FRMPD4: variants seen among roughly 807,000 people sequenced by gnomAD.
FRMPD4 encodes the protein FERM and PDZ domain-containing protein 4.
A neutral mutation model predicts 94.1 loss-of-function variants in FRMPD4; 22 were observed. The ratio of observed to expected loss-of-function variants is 0.23; its 90% CI spans 0.17 to 0.33. FRMPD4 has a LOEUF of 0.33. Among genes scored for constraint, FRMPD4 ranks in the 10% least tolerant of loss-of-function variants. The pLI is 1.00. For missense variants in FRMPD4, 1,111 were observed against 1,339.9 expected, an observed-to-expected ratio of 0.83 and a Z score of 2.67; for synonymous variants, 631 against 548.6, an observed-to-expected ratio of 1.15 and a Z score of -2.10.
chrX:12,092,364 C>T (rs1171287427), intron 3 of FRMPD4, among the ~76,000 whole-genome samples: 1 of 112,038 alleles, frequency 8.9e-6, no homozygotes, highest in Non-Finnish European at 1.9e-5. Flanking sequence ...TTGATGTTTT[C>T]CTCGTTTTCC....
intron 3 of FRMPD4, among the ~76,000 whole-genome samples, chrX:12,049,676 G>A (rs1453005091): frequency 9.0e-6 from 1 of 111,190 alleles, no homozygotes. Flanking sequence ...ATGGTAAAAA[G>A]AGCCTTAGGC....
intron 3 of FRMPD4, among the ~76,000 whole-genome samples, chrX:11,944,912 C>T (rs2147359821): frequency 8.9e-6 from 1 of 112,423 alleles, no homozygotes; most frequent in South Asian, 3.7e-4. Flanking sequence ...GAAAATAAAT[C>T]CTCTGTGTTT....
chrX:12,297,496 G>C (rs745934724), intron 1 of FRMPD4, among the ~76,000 whole-genome samples: 1 of 111,576 alleles, frequency 9.0e-6, no homozygotes, highest in Non-Finnish European at 1.9e-5. Context: ...GGGAAAGAAC[G>C]GAATTGTGGG....
At chrX:12,448,690 G>A (rs763855770) in intron 1 of FRMPD4, among the ~76,000 whole-genome samples, 8 of 112,423 alleles carry the variant, frequency 7.1e-5, no homozygotes, top group African/African-American at 2.3e-4. Context: ...ATCATAGGTC[G>A]CTTGTACTGA....
intron 3 of FRMPD4, among the ~76,000 whole-genome samples, chrX:12,094,636 G>A (rs1000670733): frequency 1.3e-4 from 15 of 112,087 alleles, no homozygotes; most frequent in African/African-American, 3.6e-4. Context: ...GACTGCCTGC[G>A]TTTGAACTTT....
chrX:12,278,897 A>G (rs5979561), intron 1 of FRMPD4, among the ~76,000 whole-genome samples: 2,712 of 112,183 alleles, frequency 0.024, 82 homozygotes, highest in African/African-American at 0.081. Context: ...CAGGTTGCCT[A>G]CAGCAGTCAC....
chrX:12,030,807 T>C (rs1330755858), intron 3 of FRMPD4, among the ~76,000 whole-genome samples: 1 of 112,061 alleles, frequency 8.9e-6, no homozygotes, highest in Non-Finnish European at 1.9e-5. Flanking sequence ...ATAAAGGCTA[T>C]GTTTTTGTGG....
chrX:12,394,668 T>A (rs1244923668), intron 1 of FRMPD4, among the ~76,000 whole-genome samples: 2 of 111,273 alleles, frequency 1.8e-5, no homozygotes, highest in African/African-American at 3.3e-5. Flanking sequence ...TCCCTTCTCT[T>A]TTTTTCTTCC....
chrX:11,982,562 G>A (rs1332033477), intron 3 of FRMPD4, among the ~76,000 whole-genome samples: 1 of 110,814 alleles, frequency 9.0e-6, no homozygotes, highest in Non-Finnish European at 1.9e-5. Flanking sequence ...AAACCATCTT[G>A]CATTATCTAC....
intron 2 of FRMPD4, among the ~76,000 whole-genome samples, chrX:12,526,321 C>T (rs752963564): frequency 8.0e-5 from 9 of 112,554 alleles, no homozygotes; most frequent in Non-Finnish European, 1.7e-4. Context: ...TTTTAAGCAC[C>T]TTCGGTACTG....
At chrX:12,434,028 A>G (rs1328402111) in intron 1 of FRMPD4, among the ~76,000 whole-genome samples, 4 of 111,490 alleles carry the variant, frequency 3.6e-5, no homozygotes, top group Non-Finnish European at 7.5e-5. Flanking sequence ...AAGCGTGGAG[A>G]AGAGAGAGCC....
At chrX:12,692,119 T>C (rs764363297) in intron 8 of FRMPD4, among the ~76,000 whole-genome samples, 2 of 112,528 alleles carry the variant, frequency 1.8e-5, no homozygotes, top group Non-Finnish European at 3.8e-5. Context: ...TTCATGCTGA[T>C]TTAGTTGGAC....
intron 1 of FRMPD4, among the ~76,000 whole-genome samples, chrX:12,370,847 A>T (rs892295901): frequency 1.8e-5 from 2 of 112,088 alleles, no homozygotes; most frequent in African/African-American, 6.5e-5. Flanking sequence ...GGACTTTATC[A>T]TTAAGAATAT....
At chrX:12,469,667 G>A (rs1319334717) in intron 1 of FRMPD4, among the ~76,000 whole-genome samples, 3 of 112,254 alleles carry the variant, frequency 2.7e-5, no homozygotes, top group African/African-American at 6.5e-5. Flanking sequence ...TTACCTTCTT[G>A]AAGTTAAGCA....
chrX:11,827,319 C>G (rs1198387248), intron 1 of FRMPD4, among the ~76,000 whole-genome samples: 2 of 108,713 alleles, frequency 1.8e-5, no homozygotes, highest in Non-Finnish European at 3.8e-5. Flanking sequence ...CTTCATGCAT[C>G]TGTGCACTGT....
intron 3 of FRMPD4, among the ~76,000 whole-genome samples, chrX:12,008,638 G>A (rs1346228312): frequency 1.8e-5 from 2 of 111,686 alleles, no homozygotes; most frequent in Non-Finnish European, 3.8e-5. Flanking sequence ...AAGATGTTGG[G>A]GTGTAGCCCA....
At chrX:12,526,169 G>A (rs1056575010) in intron 2 of FRMPD4, among the ~76,000 whole-genome samples, 1 of 112,336 alleles carries the variant, frequency 8.9e-6, no homozygotes, top group Non-Finnish European at 1.9e-5. Flanking sequence ...TCCCACAAGC[G>A]TATAGCCATC....
intron 1 of FRMPD4, among the ~76,000 whole-genome samples, chrX:12,296,868 A>G (rs751412332): frequency 3.8e-4 from 43 of 112,325 alleles, no homozygotes; most frequent in African/African-American, 1.4e-3. Context: ...GGCACACCCC[A>G]GTCCTCTGGG....
intron 1 of FRMPD4, among the ~76,000 whole-genome samples, chrX:11,835,554 T>C (rs1281740316): frequency 8.9e-6 from 1 of 111,732 alleles, no homozygotes; most frequent in Non-Finnish European, 1.9e-5. Context: ...TGAGCAGGGG[T>C]ACTATAGGGT....
Sources: allele counts gnomAD v4.1 joint callset (sites outside exome capture counted in the v4.1 genomes callset), GRCh38; gene constraint gnomAD v4.1.1; transcripts MANE v1.5; gene names NCBI Gene and HGNC (gene_info 2026-07-23, HGNC 2026-07-21).